Variants in TUFT1 observed in about 807,000 individuals in gnomAD.
TUFT1 encodes the protein tuftelin 1.
TUFT1 carries 43 observed loss-of-function variants against 57.8 expected under a neutral mutation model. The ratio of observed to expected loss-of-function variants is 0.74; its 90% CI spans 0.58 to 0.96. The LOEUF (loss-of-function observed/expected upper bound fraction) is 0.96. TUFT1 is among the 40% of genes least tolerant of loss of function. TUFT1 has a pLI of 0.00. For synonymous variants in TUFT1, 166 were observed against 176.7 expected (o/e 0.94, Z 0.48); for missense variants, 459 against 489.0 (o/e 0.94, Z 0.58).
chr1:151,555,934 G>A (rs1665683189), intron 1 of TUFT1, among the ~76,000 whole-genome samples: 1 of 152,098 alleles, frequency 6.6e-6, no homozygotes, highest in Admixed American at 6.6e-5. Flanking sequence ...ATACAGTCAA[G>A]CTATGGAACA....
At chr1:151,563,291 T>C (rs1665958478) in intron 3 of TUFT1, among the ~76,000 whole-genome samples, 1 of 152,186 alleles carries the variant, frequency 6.6e-6, no homozygotes, top group Non-Finnish European at 1.5e-5. Context: ...CATGATTGAC[T>C]CAGTTACAGT....
Position 151,563,975 on chromosome 1 carries a change from C to G in TUFT1, c.309C>G (p.Val103=), listed in dbSNP as rs751242289. ...ATATTAACCAGCTGAAGAGTGAGGTCCAGTACATCCAGGAGGTGGGCACCC... is the reference window on the plus strand; with the variant it reads ...ATATTAACCAGCTGAAGAGTGAGGTGCAGTACATCCAGGAGGTGGGCACCC... The part of the protein sequence containing the change: ...EKNINQLKSE[V]QYIQEARNCL... Residue 103 remains valine, a synonymous_variant, in exon 4 of 13, where the codon GTC becomes GTG. Transcript: ENST00000368849. 6.2e-7 allele frequency: 1 copy of G among 1,614,008 alleles called. No homozygotes were observed. The highest frequency in any genetic ancestry group is 8.5e-7 in the Non-Finnish European group (1 of 1,179,936).
In TUFT1 at chr1:151,580,803, A is replaced by T. The variant is rs1666624293; in HGVS notation, c.1009-139A>T. On this transcript the variant is annotated intron_variant, in intron 11 of 12. Coordinates refer to ENST00000368849, the MANE Select transcript of TUFT1 (RefSeq NM_020127.3). ...GGTAATGAAGATGAGGCAAGTGGGTATCCAGGTGGTGGCACGCATGGTGGG... is the reference window on the plus strand; with the variant it reads ...GGTAATGAAGATGAGGCAAGTGGGTTTCCAGGTGGTGGCACGCATGGTGGG... 3 of 685,310 alleles carry T rather than the reference A, an allele frequency of 4.4e-6. No individual in the cohort carries two copies. In the Admixed American group the frequency reaches 6.8e-5, roughly 16 times the overall value. 42.5% of individuals were successfully genotyped at this position (685,310 alleles called of 1,614,324 possible).
chr1:151,568,202 G>A (rs1385071162), intron 6 of TUFT1, among the ~76,000 whole-genome samples: 2 of 151,950 alleles, frequency 1.3e-5, no homozygotes, highest in African/African-American at 2.4e-5. Flanking sequence ...TCCTGTCAAG[G>A]CCTCTCACTG....
intron 1 of TUFT1, chr1:151,561,471 G>GCACA (rs1163728080): frequency 9.6e-6 from 3 of 311,886 alleles, no homozygotes; most frequent in African/African-American, 7.7e-5. Context: ...GCGCGCGCGC[G>GCACA]CGCACACACA....
Position 151,561,499 on chromosome 1 carries a change from A to G in TUFT1, c.61-592A>G, listed in dbSNP as rs921824630. On this transcript the variant is annotated intron_variant, in intron 1 of 12. Coordinates refer to ENST00000368849, the MANE Select transcript of TUFT1 (RefSeq NM_020127.3). ...CACACACACACACACACACACACAC[A>G]CACACACTTCTTTGACTTATGAAAG... 1.0e-4 allele frequency: 92 copies of G among 917,310 alleles called. 2 individuals carry two copies. Among genetic ancestry groups the G allele is most frequent in the South Asian group, 2.0e-4 (4 of 20,028 alleles). 56.8% of individuals were successfully genotyped at this position (917,310 alleles called of 1,614,324 possible). A position where few individuals can be genotyped will look rare whatever the true frequency, so the allele number is the denominator to read the frequency against.
chr1:151,548,439 G>A (rs1232922692), intron 1 of TUFT1, among the ~76,000 whole-genome samples: 1 of 151,760 alleles, frequency 6.6e-6, no homozygotes, highest in Non-Finnish European at 1.5e-5. Flanking sequence ...AGTAGCTGGA[G>A]CTACAGGCGT....
intron 1 of TUFT1, among the ~76,000 whole-genome samples, chr1:151,544,275 C>T (rs1290420678): frequency 3.9e-5 from 6 of 151,998 alleles, no homozygotes; most frequent in Non-Finnish European, 1.5e-5. Context: ...ACCACTGCAC[C>T]TGGCCTTAAA....
chr1:151,560,959 TGTGTGTG>T (rs1558007241), intron 1 of TUFT1, among the ~76,000 whole-genome samples: 17 of 14,570 alleles, frequency 1.2e-3, no homozygotes, highest in African/African-American at 1.5e-3. Context: ...CAAAGTATTG[TGTGTGTG>T]TGTGTGTGTG....
At position 151,583,494 on chromosome 1, in the gene TUFT1, T is replaced by C. The variant is rs947768469; in HGVS notation, c.*1787T>C. ...AAAATGAGGGGGTCAGAGCAGGTGATATCCATGTTTCTTCCCTTTCTGATA... is the reference window on the plus strand; with the variant it reads ...AAAATGAGGGGGTCAGAGCAGGTGACATCCATGTTTCTTCCCTTTCTGATA... On this transcript the variant is annotated 3_prime_UTR_variant, in exon 13 of 13. Coordinates refer to ENST00000368849, the MANE Select transcript of TUFT1 (RefSeq NM_020127.3). 3 of 152,198 alleles carry C rather than the reference T, an allele frequency of 2.0e-5. No homozygotes were observed. The highest frequency in any genetic ancestry group is 2.9e-5 in the Non-Finnish European group (2 of 68,046). 9.4% of individuals were successfully genotyped at this position (152,198 alleles called of 1,614,324 possible).
chr1:151,568,971 C>T (rs1666163974), intron 6 of TUFT1, among the ~76,000 whole-genome samples: 1 of 152,172 alleles, frequency 6.6e-6, no homozygotes, highest in Non-Finnish European at 1.5e-5. Context: ...TGTCTTCCTC[C>T]AGTGTCTGGT....
intron 7 of TUFT1, among the ~76,000 whole-genome samples, chr1:151,572,428 CTG>C (rs760216443): frequency 3.9e-5 from 6 of 152,006 alleles, no homozygotes. Flanking sequence ...CTTATTAACA[CTG>C]TGCTTGAGCT....
At chr1:151,579,253 C>T (rs1473482902) in intron 10 of TUFT1, among the ~76,000 whole-genome samples, 1 of 152,210 alleles carries the variant, frequency 6.6e-6, no homozygotes, top group East Asian at 1.9e-4. Flanking sequence ...GGCCCCATAA[C>T]TGGGAGGCTG....
rs1221734607 is a variant in TUFT1, at chr1:151,569,594, G to T, written c.481-63G>T. On this transcript the variant is annotated intron_variant, in intron 6 of 12. Transcript: ENST00000368849. ...AAACCAGTGTGTGCCTGGGAGGGGGGACCTTTTCTTACTGAGTCAGAAACT... is the reference window on the plus strand; with the variant it reads ...AAACCAGTGTGTGCCTGGGAGGGGGTACCTTTTCTTACTGAGTCAGAAACT... 101 of 1,359,754 alleles carry T rather than the reference G, an allele frequency of 7.4e-5. No homozygotes were observed. In the East Asian group the frequency reaches 2.2e-3, roughly 30 times the overall value. 84.2% of individuals were successfully genotyped at this position (1,359,754 alleles called of 1,614,324 possible).
rs1263512977 is a variant in TUFT1, at chr1:151,581,761, A to T, written c.*54A>T. On this transcript the variant is annotated 3_prime_UTR_variant, in exon 13 of 13. Transcript: ENST00000368849. Reference sequence around the variant, plus strand: ...TGCTGCCTCTGCCTCGGAGAAGCCCACTGCCCCTGTTGGCTGTTAACACTG... The same window carrying T: ...TGCTGCCTCTGCCTCGGAGAAGCCCTCTGCCCCTGTTGGCTGTTAACACTG... The T allele has an allele frequency of 1.3e-6, 2 of 1,591,094 alleles. No homozygotes were observed. Among genetic ancestry groups the T allele is most frequent in the Non-Finnish European group, 1.7e-6 (2 of 1,159,370 alleles).
At chr1:151,550,449 A>G (rs972229507) in intron 1 of TUFT1, among the ~76,000 whole-genome samples, 49 of 151,920 alleles carry the variant, frequency 3.2e-4, no homozygotes, top group African/African-American at 1.1e-3. Flanking sequence ...GGTTTAAGCG[A>G]TTCTCCCACC....
intron 6 of TUFT1, among the ~76,000 whole-genome samples, chr1:151,569,207 A>T (rs1666172791): frequency 6.6e-6 from 1 of 152,186 alleles, no homozygotes; most frequent in East Asian, 1.9e-4. Flanking sequence ...AGAATGGTAA[A>T]GGATGTGCTT....
At chr1:151,581,168 C>A in intron 12 of TUFT1, 126 bp downstream of exon 12, 1 of 869,604 alleles carries the variant, frequency 1.1e-6, no homozygotes, top group Non-Finnish European at 1.8e-6. Flanking sequence ...CTCCCTCAGT[C>A]TGACCCACTG....
rs1340621311 is a variant in TUFT1 at position 151,578,532 on chromosome 1, A to C, written c.819-189A>C. ...ACTATGTTGGCCAGGCTGGTCTTGAACTCCTGACCTCAGTGCTTCCAATGT... is the reference window on the plus strand; with the variant it reads ...ACTATGTTGGCCAGGCTGGTCTTGACCTCCTGACCTCAGTGCTTCCAATGT... On this transcript the variant is annotated intron_variant, in intron 9 of 12. Coordinates refer to ENST00000368849, the MANE Select transcript of TUFT1 (RefSeq NM_020127.3). 1.3e-5 allele frequency among the ~76,000 whole-genome samples: 2 copies of C among 151,318 alleles called. 1 individual carries two copies. The highest frequency in any genetic ancestry group is 4.9e-5 in the African/African-American group (2 of 41,188).
Sources: gnomAD v4.1 joint callset for allele counts (sites outside exome capture counted in the v4.1 genomes callset) on GRCh38, gnomAD v4.1.1 for gene constraint, MANE v1.5 for transcripts, NCBI Gene and HGNC (gene_info 2026-07-23, HGNC 2026-07-21) for gene names.